The following CCR3 variants were observed in gnomAD, a reference collection of about 807,000 sequenced individuals.
The protein encoded by CCR3 is C-C chemokine receptor type 3.
For synonymous variants in CCR3, 203 were observed against 179.2 expected, an observed-to-expected ratio of 1.13 and a Z score of -1.06; for missense variants, 419 against 437.5, an observed-to-expected ratio of 0.96 and a Z score of 0.38.
At chr3:46,262,754 A>G (rs1259426224) in intron 1 of CCR3, among the ~76,000 whole-genome samples, 1 of 152,136 alleles carries the variant, frequency 6.6e-6, no homozygotes, top group African/African-American at 2.4e-5. Context: ...TTCTAGGCTC[A>G]AGGGATTCTC....
chr3:46,262,241 T>C (rs1437376742), intron 1 of CCR3, among the ~76,000 whole-genome samples: 3 of 152,240 alleles, frequency 2.0e-5, no homozygotes, highest in African/African-American at 7.2e-5. Context: ...CTAAAATGTG[T>C]GAATCCTTTT....
At chr3:46,239,243 C>T (rs931837586), upstream of CCR3, among the ~76,000 whole-genome samples, 1 of 152,242 alleles carries the variant, frequency 6.6e-6, no homozygotes, top group African/African-American at 2.4e-5. Context: ...TTTACAATCT[C>T]TTGCGAATTA....
intron 1 of CCR3, among the ~76,000 whole-genome samples, chr3:46,255,477 A>G (rs1185976271): frequency 6.6e-6 from 1 of 152,132 alleles, no homozygotes; most frequent in Admixed American, 6.6e-5. Context: ...GCCTAAGCCA[A>G]TGTCTAGAAG....
intron 2 of CCR3, among the ~76,000 whole-genome samples, chr3:46,231,658 G>A (rs750458094): frequency 6.6e-6 from 1 of 152,142 alleles, no homozygotes. Context: ...AGGACAGGAG[G>A]AAACTTTTGA....
intron 1 of CCR3, among the ~76,000 whole-genome samples, chr3:46,256,950 T>TGC (rs1283394205): frequency 8.3e-6 from 1 of 119,958 alleles, no homozygotes; most frequent in Admixed American, 8.1e-5. Flanking sequence ...TTCACATTTG[T>TGC]GCACACACAC....
At chr3:46,211,090 C>T (rs943653139) in intron 2 of CCR3, among the ~76,000 whole-genome samples, 17 of 151,876 alleles carry the variant, frequency 1.1e-4, no homozygotes, top group Admixed American at 3.3e-4. Context: ...CAATGGTTCT[C>T]GAATTTGAAT....
intron 2 of CCR3, among the ~76,000 whole-genome samples, chr3:46,214,910 C>T (rs1016915897): frequency 9.9e-5 from 15 of 152,114 alleles, no homozygotes; most frequent in Non-Finnish European, 1.6e-4. Flanking sequence ...CCTTCCTGTC[C>T]CCAAACACAC....
chr3:46,240,253 C>T (rs13096142), upstream of CCR3, among the ~76,000 whole-genome samples: 39,079 of 152,114 alleles, frequency 0.26, 5,388 homozygotes, highest in Middle Eastern at 0.37. Context: ...GTGTGTCACC[C>T]TAACAGATGT....
At chr3:46,224,886 G>A (rs1305726165) in intron 2 of CCR3, among the ~76,000 whole-genome samples, 1 of 152,104 alleles carries the variant, frequency 6.6e-6, no homozygotes, top group African/African-American at 2.4e-5. Context: ...AAATTGTTTA[G>A]CAGTATGTAA....
intron 1 of CCR3, among the ~76,000 whole-genome samples, chr3:46,244,677 C>A (rs939970868): frequency 1.3e-5 from 2 of 152,170 alleles, no homozygotes; most frequent in South Asian, 4.1e-4. Context: ...ATTTTCACTT[C>A]TTTTGTGGTG....
intron 2 of CCR3, among the ~76,000 whole-genome samples, chr3:46,212,227 GT>G (rs1318307060): frequency 2.0e-5 from 3 of 152,162 alleles, no homozygotes; most frequent in African/African-American, 7.2e-5. Context: ...TTTAGGTTCG[GT>G]GGCTACATGA....
chr3:46,225,345 C>T (rs1699882673), intron 2 of CCR3, among the ~76,000 whole-genome samples: 1 of 152,182 alleles, frequency 6.6e-6, no homozygotes, highest in Non-Finnish European at 1.5e-5. Context: ...ATCTTACCAT[C>T]TCAATCTTTA....
In CCR3 at chr3:46,266,130, G is replaced by A. The variant is rs759263377; in HGVS notation, c.972G>A (p.Leu324=). ...TCCACAGGCACTTGCTCATGCACCT[G>A]GGCAGATACATCCCATTCCTTCCTA... ...HFFHRHLLMH[L]GRYIPFLPSE... is the part of the protein sequence containing the mutation. The change falls in exon 2 of 2, where the codon CTG becomes CTA. Residue 324 remains leucine (L), a synonymous_variant. Coordinates refer to ENST00000395940, the MANE Select transcript of CCR3 (RefSeq NM_178329.3). 5 of 1,613,902 alleles carry A rather than the reference G, an allele frequency of 3.1e-6. No homozygotes were observed. The highest frequency in any genetic ancestry group is 1.7e-5 in the Admixed American group (1 of 60,002).
chr3:46,220,168 G>A (rs866075343), intron 2 of CCR3, among the ~76,000 whole-genome samples: 2 of 152,224 alleles, frequency 1.3e-5, no homozygotes, highest in South Asian at 4.1e-4. Flanking sequence ...CCATCAAAAA[G>A]CGGGCTAAGG....
At chr3:46,213,701 C>T (rs1353921109) in intron 2 of CCR3, among the ~76,000 whole-genome samples, 1 of 152,200 alleles carries the variant, frequency 6.6e-6, no homozygotes, top group African/African-American at 2.4e-5. Context: ...ATATCTGTAG[C>T]TCTTCATACT....
chr3:46,231,018 G>A (rs956611472), intron 2 of CCR3, among the ~76,000 whole-genome samples: 2 of 152,124 alleles, frequency 1.3e-5, no homozygotes, highest in Non-Finnish European at 2.9e-5. Context: ...TCTGCCTCCC[G>A]GGTTCAAACG....
intron 2 of CCR3, among the ~76,000 whole-genome samples, chr3:46,233,126 C>T (rs1199122443): frequency 2.0e-5 from 3 of 152,236 alleles, no homozygotes; most frequent in Admixed American, 6.5e-5. Flanking sequence ...CCACTGCACC[C>T]GGCCCATAGT....
intron 1 of CCR3, among the ~76,000 whole-genome samples, chr3:46,254,456 GT>G (rs1319805540): frequency 6.6e-6 from 1 of 150,464 alleles, no homozygotes; most frequent in East Asian, 2.0e-4. Flanking sequence ...TAAAGGGGAA[GT>G]ATTTTTCCCC....
chr3:46,221,994 C>T (rs1699842722), intron 2 of CCR3, among the ~76,000 whole-genome samples: 2 of 152,314 alleles, frequency 1.3e-5, no homozygotes, highest in Non-Finnish European at 2.9e-5. Context: ...TTCCCACAGG[C>T]TTCCTCCACA....
Sources: allele counts gnomAD v4.1 joint callset (sites outside exome capture counted in the v4.1 genomes callset), GRCh38; gene constraint gnomAD v4.1.1; transcripts MANE v1.5; gene names NCBI Gene and HGNC (gene_info 2026-07-23, HGNC 2026-07-21).